Variants in FILIP1L observed in about 807,000 individuals in gnomAD.
FILIP1L encodes the protein filamin A interacting protein 1 like.
Under a neutral mutation model 96.6 loss-of-function variants are expected in FILIP1L, and 55 were observed. The observed-to-expected ratio is 0.57, with a 90% CI of 0.46 to 0.71. The LOEUF (loss-of-function observed/expected upper bound fraction) is 0.71. Among genes scored for constraint, FILIP1L ranks in the 30% least tolerant of loss-of-function variants. The pLI, the probability that FILIP1L is intolerant of heterozygous loss-of-function variation, is 0.00. For synonymous variants in FILIP1L, 467 were observed against 473.9 expected (o/e 0.99, Z 0.19); for missense variants, 1,304 against 1,321.2 (o/e 0.99, Z 0.20).
chr3:100,071,059 G>A (rs1347482354), intron 1 of FILIP1L, among the ~76,000 whole-genome samples: 1 of 124,760 alleles, frequency 8.0e-6, no homozygotes, highest in East Asian at 2.5e-4. Flanking sequence ...AAAGAAAGGG[G>A]TTTGTTTGTT....
rs558167567 is a variant in FILIP1L, at chr3:99,983,933, A to T, written c.-10-52903T>A. On this transcript the variant is annotated intron_variant, in intron 1 of 5. Transcript: ENST00000477258. ...AGCCTAGAGGAAGGCCAAGAGAGGA[A>T]AATGTCCTATACCACAAGATATAAA... is the stretch of plus-strand genomic sequence containing the variant. Among the ~76,000 whole-genome samples, 5 of 152,242 alleles carry T rather than the reference A, an allele frequency of 3.3e-5. No individual in the cohort carries two copies. In the South Asian group the frequency reaches 1.0e-3, roughly 32 times the overall value.
intron 1 of FILIP1L, among the ~76,000 whole-genome samples, chr3:100,058,647 C>G (rs2065506926): frequency 1.3e-5 from 2 of 152,146 alleles, no homozygotes; most frequent in African/African-American, 4.8e-5. Flanking sequence ...TCCCAAGCAC[C>G]TCACCACAAA....
At chr3:100,009,247 T>C (rs1197439615) in intron 1 of FILIP1L, among the ~76,000 whole-genome samples, 2 of 152,200 alleles carry the variant, frequency 1.3e-5, no homozygotes, top group African/African-American at 4.8e-5. Flanking sequence ...TTATCAAGAA[T>C]ATAAGATCTA....
intron 1 of FILIP1L, chr3:100,011,770 C>G (rs1399558749): frequency 6.6e-6 from 1 of 152,148 alleles, no homozygotes. Flanking sequence ...TAGGGATGAC[C>G]TCTGCTCTGT....
intron 1 of FILIP1L, among the ~76,000 whole-genome samples, chr3:99,954,578 C>T (rs1708265994): frequency 6.6e-6 from 1 of 152,122 alleles, no homozygotes; most frequent in African/African-American, 2.4e-5. Context: ...GTAATCCCAG[C>T]ACTTTGGGAG....
chr3:99,982,670 T>C (rs1709162336), intron 1 of FILIP1L, among the ~76,000 whole-genome samples: 2 of 152,174 alleles, frequency 1.3e-5, no homozygotes, highest in African/African-American at 4.8e-5. Context: ...TTAAAGTATT[T>C]TTGAATCACT....
chr3:99,949,428 T>C (rs1371255722), intron 1 of FILIP1L, among the ~76,000 whole-genome samples: 1 of 152,242 alleles, frequency 6.6e-6, no homozygotes, highest in African/African-American at 2.4e-5. Context: ...GTCAGTTGTA[T>C]AGTAGTTCTT....
At chr3:100,035,250 C>T (rs561658470) in intron 1 of FILIP1L, among the ~76,000 whole-genome samples, 31 of 152,162 alleles carry the variant, frequency 2.0e-4, no homozygotes, top group Admixed American at 3.9e-4. Flanking sequence ...CCATGCTGTG[C>T]GCATATTCCT....
intron 4 of FILIP1L, among the ~76,000 whole-genome samples, chr3:99,856,734 C>T (rs962774171): frequency 6.6e-6 from 1 of 152,172 alleles, no homozygotes; most frequent in Non-Finnish European, 1.5e-5. Flanking sequence ...TTCTTCATTA[C>T]AAATGATACA....
At chr3:99,831,478 G>A (rs1431998906) in intron 5 of FILIP1L, among the ~76,000 whole-genome samples, 2 of 152,124 alleles carry the variant, frequency 1.3e-5, no homozygotes, top group South Asian at 4.1e-4. Context: ...TTTAAAAGAC[G>A]AAAAAGGAAG....
At chr3:100,068,241 A>G (rs2065699803) in intron 1 of FILIP1L, among the ~76,000 whole-genome samples, 1 of 152,218 alleles carries the variant, frequency 6.6e-6, no homozygotes. Context: ...TAGGACGTGC[A>G]CTTGCACACT....
intron 5 of FILIP1L, among the ~76,000 whole-genome samples, chr3:99,846,529 T>G (rs906330391): frequency 1.3e-5 from 2 of 152,224 alleles, no homozygotes; most frequent in African/African-American, 4.8e-5. Context: ...TAGACCATCA[T>G]GTATTTTGTA....
rs569324843 is a variant in FILIP1L at position 99,942,761 on chromosome 3, A to G, written c.-10-11731T>C. On this transcript the variant is annotated intron_variant, in intron 1 of 5. Transcript: ENST00000477258. Reference sequence around the variant, plus strand: ...GGAGAATTGCTTGGACCCAGGAGACAGAGGTTGCAGTGAGCCGACACAGTG... The same window carrying G: ...GGAGAATTGCTTGGACCCAGGAGACGGAGGTTGCAGTGAGCCGACACAGTG... Among the ~76,000 whole-genome samples, 26 of 152,060 alleles carry G rather than the reference A, an allele frequency of 1.7e-4. No homozygotes were observed. In the South Asian group the frequency reaches 5.4e-3, roughly 32 times the overall value.
At chr3:99,858,664 A>G (rs115331917) in intron 4 of FILIP1L, among the ~76,000 whole-genome samples, 1 of 152,214 alleles carries the variant, frequency 6.6e-6, no homozygotes, top group South Asian at 2.1e-4. Context: ...CACACATTCC[A>G]TTAGCTGTCA....
intron 4 of FILIP1L, among the ~76,000 whole-genome samples, chr3:99,860,169 T>C (rs557501661): frequency 6.6e-6 from 1 of 152,316 alleles, no homozygotes; most frequent in African/African-American, 2.4e-5. Flanking sequence ...GGGTTAATAC[T>C]ATTTTCCTTC....
chr3:99,958,038 A>T (rs917167923), intron 1 of FILIP1L, among the ~76,000 whole-genome samples: 1 of 148,954 alleles, frequency 6.7e-6, no homozygotes, highest in Non-Finnish European at 1.5e-5. Context: ...TAAAGGCTCA[A>T]TGGGCTCAGA....
chr3:99,936,404 C>G (rs1225077852), intron 1 of FILIP1L, among the ~76,000 whole-genome samples: 2 of 118,350 alleles, frequency 1.7e-5, no homozygotes, highest in East Asian at 5.0e-4. Context: ...GTGACAGCAT[C>G]TCACACTGTC....
chr3:100,077,147 T>C (rs1340487015), intron 1 of FILIP1L, among the ~76,000 whole-genome samples: 2 of 152,238 alleles, frequency 1.3e-5, no homozygotes, highest in African/African-American at 4.8e-5. Flanking sequence ...GATGCTTGGA[T>C]AGCTTGTACT....
chr3:99,984,584 G>A (rs1034584237), intron 1 of FILIP1L, among the ~76,000 whole-genome samples: 13 of 152,182 alleles, frequency 8.5e-5, no homozygotes, highest in Non-Finnish European at 1.9e-4. Flanking sequence ...TCTACCCTTA[G>A]AAGATCTTTG....
Sources: allele counts gnomAD v4.1 joint callset (sites outside exome capture counted in the v4.1 genomes callset), GRCh38; gene constraint gnomAD v4.1.1; transcripts MANE v1.5; gene names NCBI Gene and HGNC (gene_info 2026-07-23, HGNC 2026-07-21).